SH3RF2: variants seen among roughly 807,000 people sequenced by gnomAD.
The protein encoded by SH3RF2 is E3 ubiquitin-protein ligase SH3RF2.
In SH3RF2, 43 loss-of-function variants were observed where a neutral mutation model predicts 59.0. The observed-to-expected ratio is 0.73, with a 90% confidence interval of 0.57 to 0.94. The LOEUF is 0.94. Among genes scored for constraint, SH3RF2 ranks in the 40% least tolerant of loss-of-function variants. The pLI is 0.00. For missense variants in SH3RF2, 930 were observed against 940.1 expected, an observed-to-expected ratio of 0.99 and a Z score of 0.14; for synonymous variants, 391 against 391.5, an observed-to-expected ratio of 1.00 and a Z score of 0.01.
chr5:146,012,194 C>T (rs912138562), intron 4 of SH3RF2, among the ~76,000 whole-genome samples: 6 of 152,036 alleles, frequency 3.9e-5, no homozygotes, highest in South Asian at 2.1e-4. Context: ...TATTGATTTG[C>T]GTATGTTGAA....
At chr5:146,029,350 A>G (rs960033704) in intron 5 of SH3RF2, among the ~76,000 whole-genome samples, 4 of 152,196 alleles carry the variant, frequency 2.6e-5, no homozygotes, top group African/African-American at 7.2e-5. Flanking sequence ...TGCTAACTCA[A>G]TTGTCCCCAG....
intron 3 of SH3RF2, among the ~76,000 whole-genome samples, chr5:146,002,279 C>A (rs1004712991): frequency 6.6e-6 from 1 of 151,998 alleles, no homozygotes; most frequent in African/African-American, 2.4e-5. Flanking sequence ...AGCGAAACCC[C>A]GACTCTACTA....
intron 5 of SH3RF2, among the ~76,000 whole-genome samples, chr5:146,023,983 C>A (rs1761431874): frequency 6.6e-6 from 1 of 152,192 alleles, no homozygotes; most frequent in Non-Finnish European, 1.5e-5. Context: ...TATGAATATA[C>A]CACATTTTGT....
chr5:146,020,863 C>A (rs1371230302), intron 5 of SH3RF2, among the ~76,000 whole-genome samples: 2 of 152,190 alleles, frequency 1.3e-5, no homozygotes, highest in East Asian at 1.9e-4. Context: ...CACTGTCCTG[C>A]ATCCTATGCC....
At chr5:145,966,228 G>C (rs1758851097) in intron 2 of SH3RF2, among the ~76,000 whole-genome samples, 1 of 152,174 alleles carries the variant, frequency 6.6e-6, no homozygotes, top group Non-Finnish European at 1.5e-5. Flanking sequence ...GAGAAGGATT[G>C]GGTGAGGACA....
intron 4 of SH3RF2, among the ~76,000 whole-genome samples, chr5:146,005,909 T>C (rs1218598508): frequency 2.7e-5 from 4 of 148,066 alleles, no homozygotes; most frequent in African/African-American, 7.5e-5. Flanking sequence ...ATTGAGAAGG[T>C]AGTCAGAGCT....
At chr5:145,953,522 G>A (rs1758271965) in intron 2 of SH3RF2, among the ~76,000 whole-genome samples, 1 of 152,178 alleles carries the variant, frequency 6.6e-6, no homozygotes, top group Non-Finnish European at 1.5e-5. Context: ...TTCTTGCATT[G>A]CTATAAATAC....
At chr5:146,006,002 T>G (rs539720203) in intron 4 of SH3RF2, among the ~76,000 whole-genome samples, 2 of 152,326 alleles carry the variant, frequency 1.3e-5, no homozygotes, top group African/African-American at 4.8e-5. Context: ...TCACTAATTT[T>G]TCATTGAGTG....
At chr5:146,048,486 G>A (rs142584293) in intron 6 of SH3RF2, among the ~76,000 whole-genome samples, 2 of 152,286 alleles carry the variant, frequency 1.3e-5, no homozygotes, top group East Asian at 3.9e-4. Flanking sequence ...ATAAATACAT[G>A]TTGTTTAGTA....
chr5:145,996,041 G>A (rs1014658144), intron 2 of SH3RF2, among the ~76,000 whole-genome samples: 20 of 152,180 alleles, frequency 1.3e-4, no homozygotes, highest in African/African-American at 4.8e-4. Flanking sequence ...CTGGGGATGA[G>A]CTGTGTTCCT....
chr5:146,005,129 TA>T (rs758248069), intron 4 of SH3RF2, among the ~76,000 whole-genome samples: 2 of 152,106 alleles, frequency 1.3e-5, no homozygotes, highest in Non-Finnish European at 2.9e-5. Context: ...AATTAGCATA[TA>T]TTTATTACTT....
chr5:145,987,563 A>G (rs1384498960), intron 2 of SH3RF2, among the ~76,000 whole-genome samples: 1 of 152,148 alleles, frequency 6.6e-6, no homozygotes, highest in African/African-American at 2.4e-5. Context: ...TCCATCCCTC[A>G]AGTCTCTGAC....
chr5:146,048,762 C>A (rs1169723574), intron 6 of SH3RF2, among the ~76,000 whole-genome samples: 2 of 152,094 alleles, frequency 1.3e-5, no homozygotes, highest in African/African-American at 4.8e-5. Context: ...TTGTCTTTAC[C>A]CCCTGACTCA....
At chr5:146,005,584 G>A (rs561885379) in intron 4 of SH3RF2, among the ~76,000 whole-genome samples, 43 of 152,324 alleles carry the variant, frequency 2.8e-4, no homozygotes, top group African/African-American at 9.9e-4. Flanking sequence ...AGGGTCCAGA[G>A]AGGCTGATCT....
intron 5 of SH3RF2, among the ~76,000 whole-genome samples, chr5:146,021,744 A>C (rs1761328042): frequency 6.6e-6 from 1 of 152,132 alleles, no homozygotes; most frequent in Non-Finnish European, 1.5e-5. Context: ...CTGGGTAAAG[A>C]ACTGTCATGA....
Position 146,008,901 on chromosome 5 carries a change from G to A in SH3RF2, c.744+4748G>A, listed in dbSNP as rs946148823. On this transcript the variant is annotated intron_variant, in intron 4 of 9. Transcript: ENST00000359120. ...CATACAGAATGTAGCTTTTTGAGTC[G>A]GGCTTCTTTCATTTTGCATAAAGCA... Among the ~76,000 whole-genome samples the A allele has an allele frequency of 2.0e-5, 3 of 152,182 alleles. No homozygotes were observed. In the South Asian group the frequency reaches 6.2e-4, roughly 32 times the overall value.
At chr5:146,004,208 G>A in intron 4 of SH3RF2, 55 bp downstream of exon 4, 2 of 1,427,452 alleles carry the variant, frequency 1.4e-6, no homozygotes, top group Non-Finnish European at 2.0e-6. Flanking sequence ...ATATTCATGT[G>A]CTACAGTGAT....
At chr5:145,986,229 CA>C (rs1425857336) in intron 2 of SH3RF2, among the ~76,000 whole-genome samples, 3 of 152,144 alleles carry the variant, frequency 2.0e-5, no homozygotes, top group African/African-American at 7.2e-5. Context: ...ACCTCCACGT[CA>C]TTAGTCATTC....
At chr5:146,017,446 C>A (rs1203475972) in intron 5 of SH3RF2, among the ~76,000 whole-genome samples, 3 of 152,126 alleles carry the variant, frequency 2.0e-5, no homozygotes, top group Non-Finnish European at 4.4e-5. Context: ...TGCTCGCCCT[C>A]TGCCTCCCAC....
Sources: gnomAD v4.1 joint callset for allele counts (sites outside exome capture counted in the v4.1 genomes callset) on GRCh38, gnomAD v4.1.1 for gene constraint, MANE v1.5 for transcripts, NCBI Gene and HGNC (gene_info 2026-07-23, HGNC 2026-07-21) for gene names.